HYOU1: variants seen among roughly 807,000 people sequenced by gnomAD.
HYOU1 encodes the protein hypoxia up-regulated 1.
In HYOU1, 40 loss-of-function variants were observed where a neutral mutation model predicts 120.5. The ratio of observed to expected loss-of-function variants is 0.33; its 90% CI spans 0.26 to 0.43. The LOEUF is 0.43. Among genes scored for constraint, HYOU1 ranks in the 20% least tolerant of loss-of-function variants. The probability of loss-of-function intolerance (pLI) is 1.00; values close to 1 mark genes in which losing one functional copy is unlikely to be tolerated. For synonymous variants in HYOU1, 501 were observed against 479.4 expected, an observed-to-expected ratio of 1.05 and a Z score of -0.59; for missense variants, 1,085 against 1,278.3, an observed-to-expected ratio of 0.85 and a Z score of 2.31.
rs184203399 is a variant in HYOU1, at chr11:119,056,519, G to C, written c.-7-352C>G. On this transcript the variant is annotated intron_variant, in intron 1 of 25. Coordinates refer to ENST00000617285, the MANE Select transcript of HYOU1 (RefSeq NM_006389.5). Reference sequence around the variant, plus strand: ...GCCTGTTGTCAGACACCTGGGGTGCGGCCAGGGATCCCCGCCCAGGGCTCA... The same window carrying C: ...GCCTGTTGTCAGACACCTGGGGTGCCGCCAGGGATCCCCGCCCAGGGCTCA... The C allele has an allele frequency of 5.5e-5, 21 of 384,964 alleles. No homozygotes were observed. The East Asian group carries it at 6.8e-4, about 13-fold the overall frequency. The allele number at this position is 384,964 out of a possible 1,614,324, so 23.8% of individuals were successfully genotyped here. A position where few individuals can be genotyped will look rare whatever the true frequency, so the allele number is the denominator to read the frequency against.
chr11:119,051,572 G>A lies in HYOU1; in HGVS notation c.1392C>T (p.His464=). ...EEEPGIHSLK[H]NKRVLFSRMG... is the part of the protein sequence containing the mutation. ...TCCGAGAGAAGAGTACCCGTTTATT[G>A]TGCTTCAGGCTGTGAATCCCAGGCT... The change falls in exon 13 of 26, where the codon CAC becomes CAT. Residue 464 remains histidine, a synonymous_variant. Coordinates refer to ENST00000617285, the MANE Select transcript of HYOU1 (RefSeq NM_006389.5). The surrounding 1 kb of genome is among the most constrained non-coding windows in gnomAD (Gnocchi z 4.2). The A allele has an allele frequency of 6.2e-7, 1 of 1,614,116 alleles. No individual in the cohort carries two copies. The highest frequency in any genetic ancestry group is 8.5e-7 in the Non-Finnish European group (1 of 1,180,022).
intron 8 of HYOU1, chr11:119,053,084 C>T (rs1312447463): frequency 1.2e-5 from 5 of 417,376 alleles, no homozygotes; most frequent in Non-Finnish European, 2.1e-5. Flanking sequence ...TCTGGGAATA[C>T]AAATGTGGCG....
chr11:119,045,853 T>TA, intron 24 of HYOU1, 22 bp from the exon 25 acceptor site: 1 of 1,611,720 alleles, frequency 6.2e-7, no homozygotes, highest in Non-Finnish European at 8.5e-7. Flanking sequence ...AGAAACAGGT[T>TA]AGTCTCCTCA....
At chr11:119,056,314 C>T in intron 1 of HYOU1, 147 bp from the exon 2 acceptor site, 1 of 703,444 alleles carries the variant, frequency 1.4e-6, no homozygotes, top group Non-Finnish European at 2.6e-6. Flanking sequence ...CCTTCTCCCT[C>T]CTGATGGGTA....
chr11:119,049,111 G>A lies in HYOU1; in HGVS notation c.1899C>T (p.Gly633=), dbSNP rs2133569755. 2 of 1,614,044 alleles carry A rather than the reference G, an allele frequency of 1.2e-6. No individual in the cohort carries two copies. Among genetic ancestry groups the A allele is most frequent in the South Asian group, 1.1e-5 (1 of 91,080 alleles). Residue 633 remains glycine, a synonymous_variant, in exon 17 of 26, where the codon GGC becomes GGT. Coordinates refer to ENST00000617285, the MANE Select transcript of HYOU1 (RefSeq NM_006389.5). ...TAGGTTCAGGGGGTGGGGGCTGAGA[G>A]CCATCCTCCACTGGGGCCTCAGCTT... ...KEEAEAPVED[G]SQPPPPEPKG...
At chr11:119,056,243 G>A (rs781928934) in intron 1 of HYOU1, 76 bp from the exon 2 acceptor site, 9 of 1,032,398 alleles carry the variant, frequency 8.7e-6, no homozygotes, top group Non-Finnish European at 1.3e-5. Flanking sequence ...TCCCAGAACG[G>A]AGAGGCTGTA....
Position 119,048,526 on chromosome 11 carries a change from C to A in HYOU1, c.2203G>T (p.Glu735Ter). ...AAGCTGTTGGCAGCTTTTTCCCGTT[C>A]CTGCTTCTCCAGGTCTCGGAGTGTC... Reference protein sequence around the residue: ...DLTLRDLEKQEREKAANSLEA... With the variant: ...DLTLRDLEKQ Residue 735 changes from glutamate to a stop codon, truncating the protein, a stop_gained, in exon 19 of 26, where the codon GAA becomes TAA. Transcript: ENST00000617285. LOFTEE classifies it high-confidence loss of function. This position sits in a 1 kb window ranked among gnomAD's most constrained non-coding sequence, Gnocchi z 4.7. 1 of 1,614,112 alleles carries A rather than the reference C, an allele frequency of 6.2e-7. No individual in the cohort carries two copies. The highest frequency in any genetic ancestry group is 8.5e-7 in the Non-Finnish European group (1 of 1,180,026).
chr11:119,054,460 C>A, intron 7 of HYOU1, 34 bp downstream of exon 7: 1 of 1,605,478 alleles, frequency 6.2e-7, no homozygotes, highest in Non-Finnish European at 8.5e-7. Flanking sequence ...GATTCAGTCA[C>A]CCTGCATGTC....
chr11:119,053,333 C>G (rs2133598529), intron 8 of HYOU1: 116 of 154,252 alleles, frequency 7.5e-4, no homozygotes, highest in Non-Finnish European at 1.3e-3. Flanking sequence ...TCAGAGTTCA[C>G]TAGCTGGAGG....
intron 8 of HYOU1, 198 bp downstream of exon 8, chr11:119,053,923 C>T: frequency 2.0e-6 from 1 of 506,968 alleles, no homozygotes; most frequent in Non-Finnish European, 3.5e-6. Flanking sequence ...TCCATGTCTT[C>T]CAGTTTTCCC....
In HYOU1 at chr11:119,054,689, C is replaced by A; in HGVS notation, c.497-14G>T. ...TGATGGGCTGCTCTACAGATGACAA[C>A]AGAAAAGGGTCCCGCCGGCTCCATA... On this transcript the variant is annotated splice_polypyrimidine_tract_variant and intron_variant, in intron 6 of 25. Coordinates refer to ENST00000617285, the MANE Select transcript of HYOU1 (RefSeq NM_006389.5). The A allele has an allele frequency of 1.2e-6, 2 of 1,607,040 alleles. No homozygotes were observed. Among genetic ancestry groups the A allele is most frequent in the South Asian group, 2.2e-5 (2 of 91,002 alleles).
At position 119,051,151 on chromosome 11, in the gene HYOU1, T is replaced by C. The variant is rs1944413683; in HGVS notation, c.1549A>G (p.Thr517Ala). The change falls in exon 14 of 26, where the codon ACC becomes GCC. Residue 517 changes from threonine (T) to alanine (A), a missense_variant. By Grantham distance (58) the Thr-to-Ala change is moderately conservative. This residue lies in a region of HYOU1 where 515 missense variants were observed against 677.8 expected (regional missense o/e 0.76). Coordinates refer to ENST00000617285, the MANE Select transcript of HYOU1 (RefSeq NM_006389.5). This position sits in a 1 kb window ranked among gnomAD's most constrained non-coding sequence, Gnocchi z 4.2. ...DLRVFGSQNL[T>A]TVKLKGVGDS... ...CCCACCCCTTTTAGCTTCACTGTGG[T>C]CAGATTCTGGGAGCCAAATACCCTG... is the stretch of plus-strand genomic sequence containing the variant. 1 of 1,614,052 alleles carries C rather than the reference T, an allele frequency of 6.2e-7. No individual in the cohort carries two copies. Among genetic ancestry groups the C allele is most frequent in the African/African-American group, 1.3e-5 (1 of 74,920 alleles).
rs2133550081 is a variant in HYOU1, at chr11:119,046,471, GA to G, written c.2837-5del. ...GGCTCTGCATCTTCAGTCTGGCCTA[GA>G]AGGAAACCAGGGGTAAGACATAGCC... On this transcript the variant is annotated splice_region_variant and splice_polypyrimidine_tract_variant and intron_variant, in intron 23 of 25. Coordinates refer to ENST00000617285, the MANE Select transcript of HYOU1 (RefSeq NM_006389.5). 1 of 1,614,126 alleles carries G rather than the reference GA, an allele frequency of 6.2e-7. No individual in the cohort carries two copies. Among genetic ancestry groups the G allele is most frequent in the South Asian group, 1.1e-5 (1 of 91,074 alleles).
rs1944384046 is a variant in HYOU1 at position 119,050,719 on chromosome 11, CCAAAAAAAAAAAAAAAAAAAAAAAAA to C, written c.1665+290_1665+315del. 3.8e-5 allele frequency among the ~76,000 whole-genome samples: 2 copies of C among 52,868 alleles called. 1 individual carries two copies. The highest frequency in any genetic ancestry group is 7.4e-5 in the Non-Finnish European group (2 of 26,900). The allele number at this position is 52,868 out of a possible 152,430, so 34.7% of individuals were successfully genotyped here. Reference sequence around the variant, plus strand: ...TTAAGTAACAGAGCCAAGACCCTCTCCAAAAAAAAAAAAAAAAAAAAAAAAAAAAAAAAAAAAAGAGTGGATTCTTC... The same window carrying C: ...TTAAGTAACAGAGCCAAGACCCTCTCAAAAAAAAAAAAGAGTGGATTCTTC... On this transcript the variant is annotated intron_variant, in intron 14 of 25. Transcript: ENST00000617285.
At chr11:119,049,400 A>G (rs2133572847) in intron 16 of HYOU1, 156 bp downstream of exon 16, 1,305,835 of 1,565,530 alleles carry the variant, frequency 0.83, 548,472 homozygotes, top group East Asian at 0.92. Context: ...CCTTGGGAGC[A>G]CCAGTCAAGA....
rs1270152936 is a variant in HYOU1 at position 119,056,016 on chromosome 11, C to A, written c.91+54G>T. The A allele has an allele frequency of 1.3e-6, 2 of 1,513,428 alleles. 1 individual carries two copies. Among genetic ancestry groups the A allele is most frequent in the Non-Finnish European group, 1.8e-6 (2 of 1,088,190 alleles). 93.7% of individuals were successfully genotyped at this position (1,513,428 alleles called of 1,614,324 possible). A position where few individuals can be genotyped will look rare whatever the true frequency, so the allele number is the denominator to read the frequency against. On this transcript the variant is annotated intron_variant, in intron 2 of 25. Transcript: ENST00000617285. ...CAACAGCCCCAAGCTCAATTCCCAT[C>A]ATGCATCCTTCAGTCATCATTTATC...
At position 119,051,316 on chromosome 11, in the gene HYOU1, G is replaced by A. The variant is rs2133584152; in HGVS notation, c.1526+122C>T. The stretch of plus-strand genomic sequence containing the variant: ...GACGGATGCATTCTCCAGCGAAGCT[G>A]ATCATAGCTGCCCTGTTTCAGCCCC... On this transcript the variant is annotated intron_variant, in intron 13 of 25. Transcript: ENST00000617285. This position sits in a 1 kb window ranked among gnomAD's most constrained non-coding sequence, Gnocchi z 4.2. 640 of 1,480,946 alleles carry A rather than the reference G, an allele frequency of 4.3e-4. 5 individuals carry two copies. The African/African-American group carries it at 8.2e-3, about 19-fold the overall frequency. 91.7% of individuals were successfully genotyped at this position (1,480,946 alleles called of 1,614,324 possible).
Position 119,045,447 on chromosome 11 carries a change from C to T in HYOU1, c.*146G>A, listed in dbSNP as rs572270319. 406 of 785,332 alleles carry T rather than the reference C, an allele frequency of 5.2e-4. 4 individuals are homozygous for T. The South Asian group carries it at 5.3e-3, about 10-fold the overall frequency. 48.6% of individuals were successfully genotyped at this position (785,332 alleles called of 1,614,324 possible). A position where few individuals can be genotyped will look rare whatever the true frequency, so the allele number is the denominator to read the frequency against. On this transcript the variant is annotated 3_prime_UTR_variant, in exon 26 of 26. Coordinates refer to ENST00000617285, the MANE Select transcript of HYOU1 (RefSeq NM_006389.5). ...GGAACCAGTGAGCTGTCCCTCCCTT[C>T]CCCTTCTCCACACCTCCAAATCACA...
At chr11:119,056,465 A>G in intron 1 of HYOU1, 1 of 484,448 alleles carries the variant, frequency 2.1e-6, no homozygotes, top group Non-Finnish European at 4.0e-6. Flanking sequence ...TCCACCACAC[A>G]GGCAGTGAGT....
Sources: gnomAD v4.1 joint callset for allele counts (sites outside exome capture counted in the v4.1 genomes callset) on GRCh38, gnomAD v4.1.1 for gene constraint, gnomAD v4.1.1 regional missense constraint, Gnocchi (gnomAD v3.1) non-coding constraint, MANE v1.5 for transcripts, NCBI Gene and HGNC (gene_info 2026-07-23, HGNC 2026-07-21) for gene names.